The following KCNK2 variants were observed in gnomAD, a reference collection of about 807,000 sequenced individuals.
KCNK2 encodes potassium two pore domain channel subfamily K member 2.
A neutral mutation model predicts 40.5 loss-of-function variants in KCNK2; 21 were observed. That is an observed-to-expected ratio of 0.52 (90% CI 0.37 to 0.75). KCNK2 has a LOEUF of 0.75. KCNK2 is among the 30% of genes least tolerant of loss of function. KCNK2 has a pLI of 0.00. For missense variants in KCNK2, 399 were observed against 531.6 expected, an observed-to-expected ratio of 0.75 and a Z score of 2.45; for synonymous variants, 191 against 202.2, an observed-to-expected ratio of 0.94 and a Z score of 0.47.
intron 2 of KCNK2, among the ~76,000 whole-genome samples, chr1:215,120,501 ATCTG>A (rs1661142887): frequency 6.6e-6 from 1 of 152,204 alleles, no homozygotes; most frequent in Admixed American, 6.5e-5. Flanking sequence ...TGCAAGTATA[ATCTG>A]TCTAAATTCC....
chr1:215,113,681 C>T (rs1008176401), intron 2 of KCNK2, among the ~76,000 whole-genome samples: 29 of 152,186 alleles, frequency 1.9e-4, no homozygotes, highest in African/African-American at 6.8e-4. Context: ...CTGCAACCTC[C>T]TCCTCCCAGG....
At chr1:215,059,906 G>C (rs1658309985) in intron 1 of KCNK2, among the ~76,000 whole-genome samples, 1 of 152,214 alleles carries the variant, frequency 6.6e-6, no homozygotes, top group Non-Finnish European at 1.5e-5. Flanking sequence ...TGTGGCATCT[G>C]TTCCCTTTTA....
At position 215,009,981 on chromosome 1, in the gene KCNK2, T is replaced by C. The variant is rs572764412; in HGVS notation, c.34+4026T>C. Among the ~76,000 whole-genome samples, 3 of 152,314 alleles carry C rather than the reference T, an allele frequency of 2.0e-5. 1 individual carries two copies. The South Asian group carries it at 6.2e-4, about 32-fold the overall frequency. Reference sequence around the variant, plus strand: ...CTGAGATAACATGGACTTGGACAACTGTATTTTATGTGTGTGTGTCTCAAA... The same window carrying C: ...CTGAGATAACATGGACTTGGACAACCGTATTTTATGTGTGTGTGTCTCAAA... On this transcript the variant is annotated intron_variant, in intron 1 of 6. Coordinates refer to the KCNK2 transcript ENST00000391895.
chr1:215,069,180 G>C (rs2102513837), intron 1 of KCNK2, among the ~76,000 whole-genome samples: 1 of 152,278 alleles, frequency 6.6e-6, no homozygotes, highest in South Asian at 2.1e-4. Flanking sequence ...ACCCAGTGTA[G>C]CCTTGTGAAC....
Position 215,230,507 on chromosome 1 carries a change from G to GTATATATATA in KCNK2, c.964-4305_964-4296dup, listed in dbSNP as rs201898524. Among the ~76,000 whole-genome samples the GTATATATATA allele has an allele frequency of 2.3e-3, 148 of 65,516 alleles. 3 individuals carry two copies. Among genetic ancestry groups the GTATATATATA allele is most frequent in the Non-Finnish European group, 2.7e-3 (95 of 35,144 alleles). The allele number at this position is 65,516 out of a possible 152,430, so 43.0% of individuals were successfully genotyped here. On this transcript the variant is annotated intron_variant, in intron 6 of 6. Coordinates refer to ENST00000444842, the MANE Select transcript of KCNK2 (RefSeq NM_001017425.3). The stretch of plus-strand genomic sequence containing the variant: ...CACACACACACACACACACACGGCT[G>GTATATATATA]TATATATATATATATATATATATAT...
rs1232496825 is a variant in KCNK2 at position 215,196,478 on chromosome 1, TC to T, written c.963+1388del. On this transcript the variant is annotated intron_variant, in intron 6 of 6. Transcript: ENST00000444842. Reference sequence around the variant, plus strand: ...TACTTTACTTCAAGGATACCATATTTCCTAATTGGGAATTTACTTATTCAGT... The same window carrying T: ...TACTTTACTTCAAGGATACCATATTTCTAATTGGGAATTTACTTATTCAGT... Among the ~76,000 whole-genome samples, 150 of 152,210 alleles carry T rather than the reference TC, an allele frequency of 9.9e-4. 4 individuals carry two copies. The highest frequency in any genetic ancestry group is 9.8e-3 in the Admixed American group (150 of 15,274).
At chr1:215,156,081 G>GTATA (rs928084573) in intron 3 of KCNK2, among the ~76,000 whole-genome samples, 2 of 150,844 alleles carry the variant, frequency 1.3e-5, no homozygotes, top group African/African-American at 4.9e-5. Flanking sequence ...GTGTGTGTGT[G>GTATA]TATATATATA....
intron 1 of KCNK2, among the ~76,000 whole-genome samples, chr1:215,027,587 T>C (rs2102482954): frequency 6.6e-6 from 1 of 152,282 alleles, no homozygotes; most frequent in South Asian, 2.1e-4. Context: ...CTTGGCCAGT[T>C]TGGGGTTTTC....
At chr1:215,069,382 A>T (rs908146146) in intron 1 of KCNK2, among the ~76,000 whole-genome samples, 1 of 152,178 alleles carries the variant, frequency 6.6e-6, no homozygotes, top group African/African-American at 2.4e-5. Flanking sequence ...TTCTTTTGCA[A>T]CCTGAATTAC....
intron 1 of KCNK2, among the ~76,000 whole-genome samples, chr1:215,070,572 G>A (rs1007781104): frequency 1.3e-5 from 2 of 152,080 alleles, no homozygotes; most frequent in Non-Finnish European, 2.9e-5. Context: ...GTGCAGGGGA[G>A]CTCCCCTTCA....
chr1:215,210,198 T>C (rs75400152), intron 6 of KCNK2, among the ~76,000 whole-genome samples: 3,643 of 149,798 alleles, frequency 0.024, 146 homozygotes, highest in African/African-American at 0.084. Flanking sequence ...TACACACATA[T>C]GTATGTGTAT....
chr1:215,177,766 G>A (rs111979385), intron 5 of KCNK2, among the ~76,000 whole-genome samples: 17,064 of 124,396 alleles, frequency 0.14, 2,311 homozygotes, highest in African/African-American at 0.36. Flanking sequence ...GCAGTACCAT[G>A]CTGTTTCGGT....
intron 1 of KCNK2, among the ~76,000 whole-genome samples, chr1:215,075,754 T>A (rs1179784891): frequency 6.6e-6 from 1 of 152,218 alleles, no homozygotes; most frequent in Non-Finnish European, 1.5e-5. Context: ...GGACCTGAGT[T>A]GCCATGTAGC....
intron 6 of KCNK2, among the ~76,000 whole-genome samples, chr1:215,226,358 A>T (rs1013025172): frequency 1.3e-5 from 2 of 151,998 alleles, no homozygotes; most frequent in Admixed American, 6.6e-5. Flanking sequence ...ACAGCGTCTC[A>T]CTCTGTCCGC....
chr1:215,148,941 T>G (rs944087753), intron 3 of KCNK2, among the ~76,000 whole-genome samples: 1 of 152,130 alleles, frequency 6.6e-6, no homozygotes, highest in African/African-American at 2.4e-5. Flanking sequence ...GCTTATTTTT[T>G]TCAGCGAGTA....
rs566342709 is a variant in KCNK2 at position 215,125,601 on chromosome 1, TG to T, written c.475+856del. On this transcript the variant is annotated intron_variant, in intron 3 of 6. Coordinates refer to ENST00000444842, the MANE Select transcript of KCNK2 (RefSeq NM_001017425.3). ...CAGGGCCTGTTGTGGGGTGGGGAGA[TG>T]GGGGAGGGATAGCATTAGGAGATAC... is the stretch of plus-strand genomic sequence containing the variant. 2.8e-3 allele frequency among the ~76,000 whole-genome samples: 424 copies of T among 151,026 alleles called. 3 individuals are homozygous for T. Among genetic ancestry groups the T allele is most frequent in the African/African-American group, 9.6e-3 (397 of 41,170 alleles).
At chr1:215,226,309 CTTG>C (rs555458828) in intron 6 of KCNK2, among the ~76,000 whole-genome samples, 2 of 151,880 alleles carry the variant, frequency 1.3e-5, no homozygotes, top group South Asian at 2.1e-4. Context: ...GTTTGTTTGT[CTTG>C]TTTTTTATTT....
intron 3 of KCNK2, among the ~76,000 whole-genome samples, chr1:215,135,351 G>C (rs1378557696): frequency 6.6e-6 from 1 of 152,094 alleles, no homozygotes; most frequent in Non-Finnish European, 1.5e-5. Context: ...CTCAAGAGTT[G>C]TGAAGACTAA....
intron 3 of KCNK2, among the ~76,000 whole-genome samples, chr1:215,141,878 C>T (rs1414455724): frequency 1.3e-5 from 2 of 152,172 alleles, no homozygotes; most frequent in East Asian, 1.9e-4. Context: ...TTTTCTATTA[C>T]ATTATAGTTT....
Sources: gnomAD v4.1 joint callset for allele counts (sites outside exome capture counted in the v4.1 genomes callset) on GRCh38, gnomAD v4.1.1 for gene constraint, MANE v1.5 for transcripts, NCBI Gene and HGNC (gene_info 2026-07-23, HGNC 2026-07-21) for gene names.